RIMS2: variants seen among roughly 807,000 people sequenced by gnomAD.
RIMS2 encodes the protein regulating synaptic membrane exocytosis 2, also known as regulating synaptic membrane exocytosis protein 2.
Under a neutral mutation model 174.4 loss-of-function variants are expected in RIMS2, and 59 were observed. The ratio of observed to expected loss-of-function variants is 0.34; its 90% CI spans 0.27 to 0.42. RIMS2 has a LOEUF of 0.42. RIMS2 is among the 10% of genes least tolerant of loss of function. The probability of loss-of-function intolerance (pLI) is 1.00; values close to 1 mark genes in which losing one functional copy is unlikely to be tolerated. For synonymous variants in RIMS2, 606 were observed against 572.5 expected (o/e 1.06, Z -0.84); for missense variants, 1,620 against 1,666.3 (o/e 0.97, Z 0.48).
chr8:103,540,339 C>T (rs1841957922), intron 1 of RIMS2, among the ~76,000 whole-genome samples: 2 of 152,182 alleles, frequency 1.3e-5, no homozygotes, highest in African/African-American at 4.8e-5. Flanking sequence ...AGACTCCAGT[C>T]CTTGCCACCA....
At chr8:103,528,292 C>T (rs1835107279) in intron 1 of RIMS2, among the ~76,000 whole-genome samples, 1 of 151,852 alleles carries the variant, frequency 6.6e-6, no homozygotes, top group South Asian at 2.1e-4. Context: ...TGGATATTAG[C>T]TGTTTGTCAG....
At chr8:104,136,567 A>T (rs1599685075) in intron 19 of RIMS2, among the ~76,000 whole-genome samples, 1 of 152,322 alleles carries the variant, frequency 6.6e-6, no homozygotes, top group East Asian at 1.9e-4. Context: ...TCAGTGATAG[A>T]CTGTATAAAG....
intron 3 of RIMS2, among the ~76,000 whole-genome samples, chr8:103,865,663 T>A (rs1223967487): frequency 1.3e-5 from 2 of 152,176 alleles, no homozygotes; most frequent in Non-Finnish European, 2.9e-5. Context: ...TGTCTTTAAA[T>A]TCATTAATAT....
chr8:104,183,987 T>C (rs1236245508), intron 19 of RIMS2, among the ~76,000 whole-genome samples: 1 of 151,586 alleles, frequency 6.6e-6, no homozygotes, highest in African/African-American at 2.4e-5. Context: ...AAAAAACTTT[T>C]GTTCCTTTAA....
intron 1 of RIMS2, among the ~76,000 whole-genome samples, chr8:103,584,483 C>T (rs2093793994): frequency 2.0e-5 from 3 of 151,892 alleles, no homozygotes; most frequent in Non-Finnish European, 4.4e-5. Context: ...CTTCTCTTAT[C>T]CTAAGTGGAA....
chr8:103,668,594 A>G (rs933220806), intron 1 of RIMS2, among the ~76,000 whole-genome samples: 3 of 152,014 alleles, frequency 2.0e-5, no homozygotes, highest in African/African-American at 4.8e-5. Flanking sequence ...GTGTGCATGC[A>G]TGTGTGTATT....
At chr8:104,178,318 T>C (rs753797446) in intron 19 of RIMS2, among the ~76,000 whole-genome samples, 1 of 152,090 alleles carries the variant, frequency 6.6e-6, no homozygotes, top group Non-Finnish European at 1.5e-5. Context: ...AAGCTGAGGG[T>C]CATTGTCAGC....
At chr8:103,952,388 C>G (rs1339787181) in intron 14 of RIMS2, among the ~76,000 whole-genome samples, 1 of 152,162 alleles carries the variant, frequency 6.6e-6, no homozygotes, top group Non-Finnish European at 1.5e-5. Context: ...GGGTGCCCCT[C>G]TGGGACAAAG....
chr8:103,615,033 T>A (rs958103592), intron 1 of RIMS2, among the ~76,000 whole-genome samples: 1 of 152,238 alleles, frequency 6.6e-6, no homozygotes, highest in Non-Finnish European at 1.5e-5. Flanking sequence ...CTTTTAATTA[T>A]GTTTATATTA....
chr8:103,644,145 C>T (rs2096281698), intron 1 of RIMS2, among the ~76,000 whole-genome samples: 1 of 151,666 alleles, frequency 6.6e-6, no homozygotes, highest in Admixed American at 6.6e-5. Flanking sequence ...GACTGAGAAA[C>T]TAAGATTTGG....
At chr8:103,636,786 GCACCCC>G (rs1314722828) in intron 1 of RIMS2, among the ~76,000 whole-genome samples, 1 of 27,160 alleles carries the variant, frequency 3.7e-5, no homozygotes, top group South Asian at 1.3e-3. Flanking sequence ...ACCCACCCCC[GCACCCC>G]CCCCCCCCCA....
intron 19 of RIMS2, among the ~76,000 whole-genome samples, chr8:104,024,076 A>C (rs1232097779): frequency 6.6e-6 from 1 of 152,180 alleles, no homozygotes; most frequent in Non-Finnish European, 1.5e-5. Context: ...TGGAGACAGC[A>C]AGTGCAGACA....
At position 103,768,707 on chromosome 8, in the gene RIMS2, A is replaced by G. The variant is rs1564568292; in HGVS notation, c.698+2170A>G. The G allele has an allele frequency of 1.8e-5, 14 of 770,062 alleles. No homozygotes were observed. In the East Asian group the frequency reaches 2.7e-4, roughly 15 times the overall value. 47.7% of individuals were successfully genotyped at this position (770,062 alleles called of 1,614,324 possible). On this transcript the variant is annotated intron_variant, in intron 3 of 23. Transcript: ENST00000504942. ...CCCAAAAGAGCTAGCAGAATCCACA[A>G]ACTTTTCAATCTCTCTAAAGAAGAT...
At chr8:103,721,984 G>A (rs2097455406) in intron 2 of RIMS2, among the ~76,000 whole-genome samples, 2 of 152,206 alleles carry the variant, frequency 1.3e-5, no homozygotes, top group South Asian at 4.2e-4. Context: ...AGGGTCAGAG[G>A]GTGACGGTAG....
chr8:103,740,230 A>T (rs1335887788), intron 2 of RIMS2, among the ~76,000 whole-genome samples: 2 of 152,186 alleles, frequency 1.3e-5, no homozygotes, highest in Non-Finnish European at 2.9e-5. Context: ...ATACGTTGTT[A>T]ACATGCCAAG....
chr8:103,933,914 T>C (rs2080613871), intron 12 of RIMS2, among the ~76,000 whole-genome samples: 1 of 152,188 alleles, frequency 6.6e-6, no homozygotes, highest in Non-Finnish European at 1.5e-5. Context: ...AATTGATGCC[T>C]TTTTATTGAT....
intron 3 of RIMS2, among the ~76,000 whole-genome samples, chr8:103,871,784 T>TG (rs2099113434): frequency 2.0e-5 from 3 of 152,016 alleles, no homozygotes; most frequent in Non-Finnish European, 2.9e-5. Context: ...CGAAGGTGTT[T>TG]GTTTTTTTTT....
chr8:103,593,795 G>A (rs976767269), intron 1 of RIMS2, among the ~76,000 whole-genome samples: 1 of 150,476 alleles, frequency 6.6e-6, no homozygotes, highest in Admixed American at 6.6e-5. Flanking sequence ...AGCATGCAAT[G>A]GATTTATTAT....
intron 19 of RIMS2, among the ~76,000 whole-genome samples, chr8:104,227,211 C>CT (rs55927938): frequency 0.44 from 55,367 of 126,550 alleles, 12,857 homozygotes; most frequent in East Asian, 0.79. Flanking sequence ...ACTTGGAGCT[C>CT]TTTTTTTTTT....
Sources: allele counts gnomAD v4.1 joint callset (sites outside exome capture counted in the v4.1 genomes callset), GRCh38; gene constraint gnomAD v4.1.1; transcripts MANE v1.5; gene names NCBI Gene and HGNC (gene_info 2026-07-23, HGNC 2026-07-21).